Variants in CDKAL1 observed in about 807,000 individuals in gnomAD.
CDKAL1 encodes the protein CDKAL1 threonylcarbamoyladenosine tRNA methylthiotransferase.
Under a neutral mutation model 68.2 loss-of-function variants are expected in CDKAL1, and 32 were observed. That is an observed-to-expected ratio of 0.47 (90% CI 0.35 to 0.63). The LOEUF (loss-of-function observed/expected upper bound fraction) is 0.63, where lower values mean the gene tolerates loss of function less well. Among genes scored for constraint, CDKAL1 ranks in the 30% least tolerant of loss-of-function variants. CDKAL1 has a pLI of 0.00. For synonymous variants in CDKAL1, 234 were observed against 244.3 expected, an observed-to-expected ratio of 0.96 and a Z score of 0.39; for missense variants, 606 against 696.7, an observed-to-expected ratio of 0.87 and a Z score of 1.47.
At chr6:20,603,800 G>A (rs562528278) in intron 4 of CDKAL1, among the ~76,000 whole-genome samples, 5 of 63,258 alleles carry the variant, frequency 7.9e-5, no homozygotes, top group South Asian at 1.4e-3. Flanking sequence ...TTTTTGAGAC[G>A]GAGTCTAGCT....
intron 4 of CDKAL1, among the ~76,000 whole-genome samples, chr6:20,567,486 T>G (rs1764507998): frequency 6.6e-6 from 1 of 152,120 alleles, no homozygotes; most frequent in Non-Finnish European, 1.5e-5. Context: ...TTAAACGTGT[T>G]TCTCTCTTGC....
Position 20,750,693 on chromosome 6 carries a change from G to T in CDKAL1, c.469-7902G>T, listed in dbSNP as rs181029830. Reference sequence around the variant, plus strand: ...ATAACAGTACTATCAGCCAGGCGTGGTGACTCATGCCTGTAATCCCAGCAC... The same window carrying T: ...ATAACAGTACTATCAGCCAGGCGTGTTGACTCATGCCTGTAATCCCAGCAC... On this transcript the variant is annotated intron_variant, in intron 6 of 15. Transcript: ENST00000274695. Among the ~76,000 whole-genome samples the T allele has an allele frequency of 2.6e-5, 4 of 152,200 alleles. No homozygotes were observed. The East Asian group carries it at 7.7e-4, about 29-fold the overall frequency.
At chr6:20,627,811 G>A (rs1203368133) in intron 4 of CDKAL1, among the ~76,000 whole-genome samples, 1 of 152,026 alleles carries the variant, frequency 6.6e-6, no homozygotes, top group Non-Finnish European at 1.5e-5. Context: ...TGTTTTGTTA[G>A]CTATACACCT....
intron 15 of CDKAL1, among the ~76,000 whole-genome samples, chr6:21,212,667 T>C (rs1327345868): frequency 6.6e-6 from 1 of 152,190 alleles, no homozygotes; most frequent in Non-Finnish European, 1.5e-5. Context: ...AGTGTGTTTG[T>C]TTTCTAACAT....
chr6:20,776,329 T>TA (rs1775169089), intron 7 of CDKAL1, among the ~76,000 whole-genome samples: 1 of 152,246 alleles, frequency 6.6e-6, no homozygotes, highest in Non-Finnish European at 1.5e-5. Context: ...GAGTTTAACT[T>TA]ATCTTGAAAA....
intron 9 of CDKAL1, among the ~76,000 whole-genome samples, chr6:20,945,071 TACACAC>T (rs141227225): frequency 6.7e-6 from 1 of 150,264 alleles, no homozygotes; most frequent in Non-Finnish European, 1.5e-5. Flanking sequence ...CACACACACG[TACACAC>T]ACACACACAC....
intron 4 of CDKAL1, among the ~76,000 whole-genome samples, chr6:20,635,984 A>T (rs1277876166): frequency 6.6e-6 from 1 of 152,144 alleles, no homozygotes; most frequent in Non-Finnish European, 1.5e-5. Flanking sequence ...TGGGGGAAAC[A>T]TAGTAGGACC....
At chr6:20,945,574 G>C (rs558898817) in intron 9 of CDKAL1, among the ~76,000 whole-genome samples, 1 of 152,236 alleles carries the variant, frequency 6.6e-6, no homozygotes, top group Admixed American at 6.5e-5. Flanking sequence ...ATCTTCTGAA[G>C]CCAAAGCAGT....
chr6:21,045,467 T>A (rs1770173724), intron 11 of CDKAL1, among the ~76,000 whole-genome samples: 1 of 152,180 alleles, frequency 6.6e-6, no homozygotes, highest in Non-Finnish European at 1.5e-5. Context: ...TAGTTGTACC[T>A]ATTAACATTT....
At chr6:20,829,789 A>G (rs898782840) in intron 8 of CDKAL1, among the ~76,000 whole-genome samples, 5 of 152,242 alleles carry the variant, frequency 3.3e-5, no homozygotes, top group Admixed American at 3.3e-4. Flanking sequence ...CACTTTAGGT[A>G]CTTGGATCAA....
intron 12 of CDKAL1, among the ~76,000 whole-genome samples, chr6:21,072,486 C>T (rs544723711): frequency 2.3e-5 from 3 of 133,048 alleles, no homozygotes; most frequent in South Asian, 2.5e-4. Context: ...GCCTTTTTTT[C>T]GGAGCTTGCA....
intron 13 of CDKAL1, among the ~76,000 whole-genome samples, chr6:21,134,579 C>T (rs1354148268): frequency 6.6e-6 from 1 of 152,090 alleles, no homozygotes; most frequent in East Asian, 1.9e-4. Context: ...CTGCGGAATA[C>T]AAAACATAAT....
chr6:21,169,221 T>A (rs1001035472), intron 13 of CDKAL1, among the ~76,000 whole-genome samples: 1 of 152,226 alleles, frequency 6.6e-6, no homozygotes, highest in Non-Finnish European at 1.5e-5. Flanking sequence ...GATATTACAA[T>A]GCCATGCATC....
intron 10 of CDKAL1, among the ~76,000 whole-genome samples, chr6:20,999,581 G>T (rs76076979): frequency 1.3e-5 from 2 of 149,248 alleles, no homozygotes; most frequent in East Asian, 4.0e-4. Context: ...GTTAGTAGGT[G>T]CCCAGTGGTG....
chr6:21,102,075 G>A (rs1275108302), intron 12 of CDKAL1, among the ~76,000 whole-genome samples: 3 of 151,960 alleles, frequency 2.0e-5, no homozygotes, highest in African/African-American at 2.4e-5. Context: ...TTGATCATTC[G>A]TCACTGTATT....
intron 5 of CDKAL1, among the ~76,000 whole-genome samples, chr6:20,687,934 TTTTG>T (rs1270082724): frequency 2.0e-5 from 3 of 152,158 alleles, no homozygotes; most frequent in Non-Finnish European, 2.9e-5. Flanking sequence ...ATCTCTCAAT[TTTTG>T]TTTGTTTGAG....
At chr6:21,146,850 CAA>C (rs1194653980) in intron 13 of CDKAL1, among the ~76,000 whole-genome samples, 52 of 78,256 alleles carry the variant, frequency 6.6e-4, no homozygotes, top group African/African-American at 1.3e-3. Context: ...GACTCCGTCT[CAA>C]AAAAAAAAAA....
At chr6:20,723,620 A>T in intron 5 of CDKAL1, 1 of 196,166 alleles carries the variant, frequency 5.1e-6, no homozygotes, top group Non-Finnish European at 1.1e-5. Context: ...CACACGCGTT[A>T]CAGAAAGTTT....
chr6:20,874,675 G>T (rs950242976), intron 9 of CDKAL1, among the ~76,000 whole-genome samples: 1 of 151,898 alleles, frequency 6.6e-6, no homozygotes, highest in East Asian at 2.0e-4. Flanking sequence ...CTGATTTTCT[G>T]TATTTTTAGT....
Sources: allele counts gnomAD v4.1 joint callset (sites outside exome capture counted in the v4.1 genomes callset), GRCh38; gene constraint gnomAD v4.1.1; transcripts MANE v1.5; gene names NCBI Gene and HGNC (gene_info 2026-07-23, HGNC 2026-07-21).